The following PRDM16 variants were observed in gnomAD, a reference collection of about 807,000 sequenced individuals.
PRDM16 encodes the protein PR/SET domain 16, also known as histone-lysine N-methyltransferase PRDM16.
A neutral mutation model predicts 110.6 loss-of-function variants in PRDM16; 23 were observed. The observed-to-expected ratio is 0.21, with a 90% CI of 0.15 to 0.29. The LOEUF is 0.29. Ranked by LOEUF, PRDM16 falls within the 10% of genes least tolerant of loss-of-function variation. PRDM16 has a pLI of 1.00. For synonymous variants in PRDM16, 799 were observed against 781.8 expected (o/e 1.02, Z -0.37); for missense variants, 1,615 against 1,794.3 (o/e 0.90, Z 1.81).
chr1:3,177,717 T>G (rs1644105892), intron 1 of PRDM16, among the ~76,000 whole-genome samples: 1 of 152,232 alleles, frequency 6.6e-6, no homozygotes, highest in South Asian at 2.1e-4. Context: ...AGCTGTGTGG[T>G]CAACCAGGGA....
At chr1:3,140,419 G>A (rs1331150170) in intron 1 of PRDM16, among the ~76,000 whole-genome samples, 1 of 152,118 alleles carries the variant, frequency 6.6e-6, no homozygotes, top group African/African-American at 2.4e-5. Context: ...GGAGGTGTTT[G>A]CCTCCGAGAA....
At chr1:3,387,572 G>T (rs567318609) in intron 4 of PRDM16, among the ~76,000 whole-genome samples, 39 of 152,282 alleles carry the variant, frequency 2.6e-4, no homozygotes, top group Non-Finnish European at 2.8e-4. Context: ...GACGTCGGGT[G>T]TTACAGGGCC....
intron 3 of PRDM16, among the ~76,000 whole-genome samples, chr1:3,342,639 G>A (rs1437780460): frequency 1.3e-5 from 2 of 152,234 alleles, no homozygotes; most frequent in South Asian, 2.1e-4. Flanking sequence ...GTCTCTTCCA[G>A]TCAATATCCC....
At chr1:3,401,630 C>T (rs1280246118) in intron 5 of PRDM16, among the ~76,000 whole-genome samples, 1 of 151,450 alleles carries the variant, frequency 6.6e-6, no homozygotes, top group South Asian at 2.1e-4. Flanking sequence ...CGTGTTCACA[C>T]ACATATTCAC....
At chr1:3,420,406 C>T (rs1638394181) in intron 12 of PRDM16, among the ~76,000 whole-genome samples, 1 of 152,248 alleles carries the variant, frequency 6.6e-6, no homozygotes, top group African/African-American at 2.4e-5. Context: ...TTTCCGGTGC[C>T]AGCACCCACG....
chr1:3,211,126 C>T (rs72848009), intron 2 of PRDM16, among the ~76,000 whole-genome samples: 2,769 of 152,218 alleles, frequency 0.018, 90 homozygotes, highest in East Asian at 0.086. Context: ...GTCATTTGTT[C>T]GATGCTGGTT....
intron 3 of PRDM16, among the ~76,000 whole-genome samples, chr1:3,369,485 A>C (rs1642873009): frequency 6.6e-6 from 1 of 152,136 alleles, no homozygotes; most frequent in Admixed American, 6.5e-5. Flanking sequence ...CCGGCATTGC[A>C]GTTTCCAGCA....
intron 15 of PRDM16, 32 bp from the exon 16 acceptor site, chr1:3,431,934 C>T (rs745481871): frequency 8.8e-6 from 14 of 1,599,464 alleles, no homozygotes; most frequent in Non-Finnish European, 1.0e-5. Context: ...CTGCTGACAG[C>T]AGGCCTTCCC....
chr1:3,250,149 G>A (rs1021492822), intron 3 of PRDM16, among the ~76,000 whole-genome samples: 5 of 95,778 alleles, frequency 5.2e-5, no homozygotes, highest in Admixed American at 1.3e-4. Flanking sequence ...CCAGGATCCC[G>A]TTTTCACAAC....
intron 10 of PRDM16, 135 bp from the exon 11 acceptor site, chr1:3,417,693 A>G (rs1386054295): frequency 2.6e-6 from 2 of 771,688 alleles, no homozygotes; most frequent in Non-Finnish European, 4.4e-6. Flanking sequence ...CCAAGAAAAT[A>G]CTAGGAGACC....
chr1:3,374,149 C>T lies in PRDM16; in HGVS notation c.439-11003C>T, dbSNP rs2483257. Among the ~76,000 whole-genome samples the T allele has an allele frequency of 8.3e-3, 1,266 of 152,276 alleles. 14 individuals are homozygous for T. Among genetic ancestry groups the T allele is most frequent in the African/African-American group, 0.028 (1,171 of 41,556 alleles). On this transcript the variant is annotated intron_variant, in intron 3 of 16. Transcript: ENST00000270722. ...GGATCCCGGGGTCCCAGCCGCTGAC[C>T]GCCAGGGGCCAGGGCCGGCTTTTCA... is the stretch of plus-strand genomic sequence containing the variant.
chr1:3,221,296 T>C (rs1374496853), intron 2 of PRDM16, among the ~76,000 whole-genome samples: 6 of 152,236 alleles, frequency 3.9e-5, no homozygotes, highest in African/African-American at 1.4e-4. Context: ...CAGCGCTCAG[T>C]TGCCTGCTGT....
At chr1:3,349,440 C>T (rs1642434000) in intron 3 of PRDM16, among the ~76,000 whole-genome samples, 1 of 152,204 alleles carries the variant, frequency 6.6e-6, no homozygotes, top group Non-Finnish European at 1.5e-5. Flanking sequence ...TGGCGGGAAG[C>T]AGGGCTGTCT....
intron 3 of PRDM16, among the ~76,000 whole-genome samples, chr1:3,355,970 C>T (rs944967589): frequency 2.0e-5 from 3 of 152,160 alleles, no homozygotes; most frequent in Non-Finnish European, 4.4e-5. Flanking sequence ...TTTCCCCACT[C>T]CTCTGGGCAC....
chr1:3,399,182 G>GCTTTT (rs1161816629), intron 5 of PRDM16, among the ~76,000 whole-genome samples: 2 of 152,218 alleles, frequency 1.3e-5, no homozygotes, highest in African/African-American at 4.8e-5. Flanking sequence ...ATTCCCATAT[G>GCTTTT]CTTTTCTTTT....
chr1:3,298,484 A>G (rs1170076143), intron 3 of PRDM16, among the ~76,000 whole-genome samples: 1 of 152,222 alleles, frequency 6.6e-6, no homozygotes, highest in Non-Finnish European at 1.5e-5. Flanking sequence ...CTTAGTTTTA[A>G]TTAAGTTACA....
intron 3 of PRDM16, among the ~76,000 whole-genome samples, chr1:3,380,114 C>G (rs112046481): frequency 6.6e-6 from 1 of 150,642 alleles, no homozygotes; most frequent in Non-Finnish European, 1.5e-5. Context: ...ATCCCCTCCC[C>G]GTGCACCCTC....
At chr1:3,348,103 A>G (rs1329925448) in intron 3 of PRDM16, among the ~76,000 whole-genome samples, 1 of 152,180 alleles carries the variant, frequency 6.6e-6, no homozygotes, top group Non-Finnish European at 1.5e-5. Context: ...GGCAGCAGGC[A>G]GAGTTCTGCC....
At chr1:3,344,944 A>C (rs766065376) in intron 3 of PRDM16, among the ~76,000 whole-genome samples, 16 of 151,828 alleles carry the variant, frequency 1.1e-4, no homozygotes, top group Non-Finnish European at 1.5e-4. Flanking sequence ...GCCCTTTGCA[A>C]CCTCCCTCAT....
Sources: allele counts gnomAD v4.1 joint callset (sites outside exome capture counted in the v4.1 genomes callset), GRCh38; gene constraint gnomAD v4.1.1; transcripts MANE v1.5; gene names NCBI Gene and HGNC (gene_info 2026-07-23, HGNC 2026-07-21).